COPS4: variants seen among roughly 807,000 people sequenced by gnomAD.
COPS4 encodes COP9 signalosome subunit 4.
In COPS4, 8 loss-of-function variants were observed where a neutral mutation model predicts 55.1. That is an observed-to-expected ratio of 0.15 (90% CI 0.09 to 0.26). The LOEUF (loss-of-function observed/expected upper bound fraction) is 0.26. COPS4 is among the 10% of genes least tolerant of loss of function. The pLI is 1.00. For synonymous variants in COPS4, 185 were observed against 165.7 expected (o/e 1.12, Z -0.90); for missense variants, 248 against 484.0 (o/e 0.51, Z 4.58).
At chr4:83,038,681 G>C (rs924696882) in intron 1 of COPS4, among the ~76,000 whole-genome samples, 3 of 151,954 alleles carry the variant, frequency 2.0e-5, no homozygotes, top group Non-Finnish European at 2.9e-5. Context: ...CACTCTTGTT[G>C]CCTAGGCTGG....
intron 1 of COPS4, among the ~76,000 whole-genome samples, chr4:83,037,007 T>TTTCTG (rs1553895314): frequency 1.3e-5 from 2 of 152,208 alleles, no homozygotes; most frequent in Non-Finnish European, 2.9e-5. Flanking sequence ...TTAACCAGTG[T>TTTCTG]AAAACAACTA....
At chr4:83,049,143 TC>T in intron 2 of COPS4, 22 bp from the exon 3 acceptor site, 1 of 1,566,380 alleles carries the variant, frequency 6.4e-7, no homozygotes, top group Non-Finnish European at 8.6e-7. Context: ...TGTTTTCTTA[TC>T]TTTTTTTTTT....
chr4:83,058,612 G>T (rs1385614503), intron 6 of COPS4, among the ~76,000 whole-genome samples: 1 of 152,122 alleles, frequency 6.6e-6, no homozygotes, highest in Non-Finnish European at 1.5e-5. Flanking sequence ...TTTTTCTAAA[G>T]AACTTTTACT....
chr4:83,064,014 A>G (rs976764963), intron 7 of COPS4, among the ~76,000 whole-genome samples: 17 of 152,266 alleles, frequency 1.1e-4, no homozygotes, highest in Non-Finnish European at 2.2e-4. Flanking sequence ...AATCCTTTTA[A>G]CTGGGTATAC....
intron 9 of COPS4, chr4:83,073,424 C>G (rs1731488681): frequency 2.4e-6 from 1 of 410,428 alleles, no homozygotes; most frequent in African/African-American, 2.0e-5. Context: ...AATTCCACCA[C>G]TGGTTTTCAT....
intron 6 of COPS4, among the ~76,000 whole-genome samples, chr4:83,058,495 A>G (rs1434326030): frequency 6.6e-6 from 1 of 152,252 alleles, no homozygotes; most frequent in Non-Finnish European, 1.5e-5. Flanking sequence ...CTGAGATTAC[A>G]GGTGTGAGCC....
chr4:83,049,458 A>C (rs1730802916), intron 3 of COPS4, 141 bp downstream of exon 3: 3 of 658,236 alleles, frequency 4.6e-6, no homozygotes, highest in Non-Finnish European at 7.1e-6. Context: ...TTTATGATGC[A>C]AAATCAAGTA....
chr4:83,042,805 A>G (rs143892827), intron 1 of COPS4, among the ~76,000 whole-genome samples: 2 of 151,616 alleles, frequency 1.3e-5, no homozygotes, highest in South Asian at 2.1e-4. Context: ...AGGTTTTACT[A>G]TGTTGCTCAG....
At chr4:83,064,961 C>G in intron 7 of COPS4, 1 of 314,944 alleles carries the variant, frequency 3.2e-6, no homozygotes, top group South Asian at 2.7e-5. Flanking sequence ...TGCCATAGCT[C>G]ACTGCAGCCT....
chr4:83,070,359 C>T (rs939010515), intron 9 of COPS4, among the ~76,000 whole-genome samples: 1 of 152,178 alleles, frequency 6.6e-6, no homozygotes, highest in African/African-American at 2.4e-5. Flanking sequence ...GTCCCAGCCC[C>T]ATGGTTCTAG....
At chr4:83,066,299 T>C (rs1731291137) in intron 7 of COPS4, 139 bp from the exon 8 acceptor site, 1 of 476,732 alleles carries the variant, frequency 2.1e-6, no homozygotes, top group Non-Finnish European at 3.8e-6. Context: ...ACATCATATA[T>C]TGGCTACTTT....
At chr4:83,045,805 T>C (rs1236187657) in intron 2 of COPS4, 100 bp downstream of exon 2, 3 of 658,464 alleles carry the variant, frequency 4.6e-6, no homozygotes, top group Non-Finnish European at 7.9e-6. Context: ...ATATTAAATA[T>C]GCATTGAGAT....
At chr4:83,051,849 C>G (rs986885973) in intron 4 of COPS4, among the ~76,000 whole-genome samples, 1 of 152,060 alleles carries the variant, frequency 6.6e-6, no homozygotes, top group African/African-American at 2.4e-5. Flanking sequence ...AGCACTTCAA[C>G]GTTAAGAGGT....
chr4:83,046,088 C>T (rs1730704078), intron 2 of COPS4, among the ~76,000 whole-genome samples: 1 of 151,992 alleles, frequency 6.6e-6, no homozygotes, highest in East Asian at 1.9e-4. Context: ...CTAAAATGTA[C>T]TCTATAGTAC....
intron 6 of COPS4, among the ~76,000 whole-genome samples, chr4:83,058,614 A>G (rs1446145275): frequency 6.6e-6 from 1 of 152,210 alleles, no homozygotes; most frequent in Non-Finnish European, 1.5e-5. Context: ...TTTCTAAAGA[A>G]CTTTTACTGG....
At position 83,068,522 on chromosome 4, in the gene COPS4, A is replaced by C. The variant is rs766979547; in HGVS notation, c.1087A>C (p.Thr363Pro). ...DQIDGIVHFE[T>P]REALPTWDKQ... ...GATTGATGGAATAGTTCATTTTGAA[A>C]GTAAGAGGTTTTGTGTATTTCTGTC... Residue 363 changes from threonine (T) to proline (P), a missense_variant and splice_region_variant, in exon 9 of 10, where the codon ACA becomes CCA. By Grantham distance (38) the Thr-to-Pro change is conservative (BLOSUM62 -1). Coordinates refer to ENST00000264389, the MANE Select transcript of COPS4 (RefSeq NM_016129.3). 1 of 1,578,862 alleles carries C rather than the reference A, an allele frequency of 6.3e-7. No homozygotes were observed.
At chr4:83,056,565 G>A (rs1162152060) in intron 4 of COPS4, among the ~76,000 whole-genome samples, 1 of 152,172 alleles carries the variant, frequency 6.6e-6, no homozygotes, top group African/African-American at 2.4e-5. Flanking sequence ...TTGGGAGGCC[G>A]AGGCGGGTGG....
rs147711127 is a variant in COPS4 at position 83,039,357 on chromosome 4, A to G, written c.74+4059A>G. 1.8e-3 allele frequency among the ~76,000 whole-genome samples: 281 copies of G among 152,324 alleles called. 2 individuals carry two copies. The highest frequency in any genetic ancestry group is 6.4e-3 in the African/African-American group (267 of 41,564). On this transcript the variant is annotated intron_variant, in intron 1 of 9. Transcript: ENST00000264389. ...GCAGGGTTCCAAAAGACAAACACAT[A>G]CAAGGCCTCTCGAGGTCTGGGCTCA...
At chr4:83,049,398 G>A in intron 3 of COPS4, 81 bp downstream of exon 3, 1 of 1,247,728 alleles carries the variant, frequency 8.0e-7, no homozygotes, top group South Asian at 1.5e-5. Context: ...ATTCTTAAAG[G>A]AGATAATCAT....
Sources: gnomAD v4.1 joint callset for allele counts (sites outside exome capture counted in the v4.1 genomes callset) on GRCh38, gnomAD v4.1.1 for gene constraint, MANE v1.5 for transcripts, NCBI Gene and HGNC (gene_info 2026-07-23, HGNC 2026-07-21) for gene names.